The following PAICS variants were observed in gnomAD, a reference collection of about 807,000 sequenced individuals.
The protein encoded by PAICS is phosphoribosylaminoimidazole carboxylase and phosphoribosylaminoimidazolesuccinocarboxamide synthase.
In PAICS, 33 loss-of-function variants were observed where a neutral mutation model predicts 53.7. The ratio of observed to expected loss-of-function variants is 0.61; its 90% CI spans 0.47 to 0.82. The LOEUF (loss-of-function observed/expected upper bound fraction) is 0.82. Ranked by LOEUF, PAICS falls within the 40% of genes least tolerant of loss-of-function variation. The probability of loss-of-function intolerance (pLI) is 0.00; values close to 1 mark genes in which losing one functional copy is unlikely to be tolerated. For missense variants in PAICS, 394 were observed against 494.1 expected (o/e 0.80, Z 1.92); for synonymous variants, 141 against 167.2 (o/e 0.84, Z 1.21).
chr4:56,451,805 CA>C, intron 6 of PAICS, 66 bp from the exon 7 acceptor site: 5 of 980,292 alleles, frequency 5.1e-6, no homozygotes, highest in Non-Finnish European at 7.2e-6. Flanking sequence ...AATTTTACTA[CA>C]AACTCTAGCT....
chr4:56,444,975 A>C (rs564139141), intron 2 of PAICS, among the ~76,000 whole-genome samples: 5 of 152,336 alleles, frequency 3.3e-5, no homozygotes, highest in African/African-American at 1.2e-4. Flanking sequence ...AATTGATTGA[A>C]GTCACCTGTC....
chr4:56,417,393 T>G, the PAICS span, among the ~76,000 whole-genome samples: 1 of 152,138 alleles, frequency 6.6e-6, no homozygotes, highest in Non-Finnish European at 1.5e-5. Context: ...TTAAAACTCA[T>G]GAACCTGACA....
chr4:56,410,561 G>A, the PAICS span: 1 of 986,710 alleles, frequency 1.0e-6, no homozygotes, highest in Non-Finnish European at 1.2e-6. Context: ...GGAGGTTAAA[G>A]CTTTGCTAAG....
chr4:56,452,240 G>A (rs1053384264), intron 7 of PAICS, among the ~76,000 whole-genome samples, 188 bp downstream of exon 7: 4 of 151,966 alleles, frequency 2.6e-5, no homozygotes, highest in East Asian at 1.9e-4. Context: ...GTACAGTGGC[G>A]CCATCTCAGC....
At chr4:56,435,320 C>G, upstream of PAICS, 1 of 1,611,482 alleles carries the variant, frequency 6.2e-7, no homozygotes, top group Non-Finnish European at 8.5e-7. Flanking sequence ...TGGAGACGCA[C>G]GCCCCCGCCA....
Position 56,463,491 on chromosome 4 carries a change from C to G in PAICS, c.*3953C>G, listed in dbSNP as rs1719583540. The G allele has an allele frequency of 1.3e-5, 2 of 151,756 alleles. No individual in the cohort carries two copies. The highest frequency in any genetic ancestry group is 2.9e-5 in the Non-Finnish European group (2 of 68,068). The allele number at this position is 151,756 out of a possible 1,614,324, so 9.4% of individuals were successfully genotyped here. ...GGCAGATCACCTGAGGTCGGGAGTT[C>G]AAGACCAGCCTGACTGACATGGAGA... On this transcript the variant is annotated 3_prime_UTR_variant, in exon 9 of 9. Transcript: ENST00000512576.
Position 56,459,752 on chromosome 4 carries a change from C to T in PAICS, c.*214C>T. 2.2e-6 allele frequency: 1 copy of T among 456,516 alleles called. No homozygotes were observed. The highest frequency in any genetic ancestry group is 3.9e-6 in the Non-Finnish European group (1 of 254,400). 28.3% of individuals were successfully genotyped at this position (456,516 alleles called of 1,614,324 possible). A position where few individuals can be genotyped will look rare whatever the true frequency, so the allele number is the denominator to read the frequency against. ...CCAAGATATTTCAGCCAGCCTTTAT[C>T]ATTCCTCTTACTTTATCCTTTTTCC... is the stretch of plus-strand genomic sequence containing the variant. On this transcript the variant is annotated 3_prime_UTR_variant, in exon 9 of 9. Coordinates refer to ENST00000512576, the MANE Select transcript of PAICS (RefSeq NM_001079524.2).
intron 8 of PAICS, among the ~76,000 whole-genome samples, chr4:56,457,662 G>GTT (rs756911104): frequency 0.014 from 1,739 of 127,820 alleles, 49 homozygotes; most frequent in East Asian, 0.11. Context: ...TTAGAATTAA[G>GTT]TTTTTTTTTT....
intron 8 of PAICS, 31 bp downstream of exon 8, chr4:56,453,792 C>T: frequency 6.8e-7 from 1 of 1,463,724 alleles, no homozygotes; most frequent in Non-Finnish European, 9.3e-7. Context: ...AAAAACTGTT[C>T]ATTACAAGCA....
chr4:56,451,456 T>C (rs566023689), intron 6 of PAICS, among the ~76,000 whole-genome samples: 15 of 152,332 alleles, frequency 9.8e-5, no homozygotes, highest in African/African-American at 1.9e-4. Flanking sequence ...ATTATTCTTA[T>C]AGGAATATAT....
chr4:56,460,255 T>C lies in PAICS; in HGVS notation c.*717T>C, dbSNP rs1238299883. ...GGGCACTCATGAAAAAACAGAATGCTCCCAACTTTATTCATCTTCCAAGCC... is the reference window on the plus strand; with the variant it reads ...GGGCACTCATGAAAAAACAGAATGCCCCCAACTTTATTCATCTTCCAAGCC... On this transcript the variant is annotated 3_prime_UTR_variant, in exon 9 of 9. Coordinates refer to ENST00000512576, the MANE Select transcript of PAICS (RefSeq NM_001079524.2). 1.3e-5 allele frequency: 2 copies of C among 152,176 alleles called. No individual in the cohort carries two copies. Among genetic ancestry groups the C allele is most frequent in the African/African-American group, 4.8e-5 (2 of 41,438 alleles). 9.4% of individuals were successfully genotyped at this position (152,176 alleles called of 1,614,324 possible). A position where few individuals can be genotyped will look rare whatever the true frequency, so the allele number is the denominator to read the frequency against.
At chr4:56,428,999 G>A in the PAICS span, 1 of 971,132 alleles carries the variant, frequency 1.0e-6, no homozygotes, top group Non-Finnish European at 1.2e-6. Flanking sequence ...AAAAGCACAT[G>A]AAGATGGTAA....
Position 56,446,747 on chromosome 4 carries a change from G to C in PAICS, c.267G>C (p.Pro89=), listed in dbSNP as rs773688517. ...RKCGETAFIA[P]QCEMIPIEWV... is the part of the protein sequence containing the mutation. ...GTGGGGAGACAGCTTTCATTGCACCGCAGTGTGAAATGATTCCAATTGAAT... is the reference window on the plus strand; with the variant it reads ...GTGGGGAGACAGCTTTCATTGCACCCCAGTGTGAAATGATTCCAATTGAAT... Residue 89 remains proline, a synonymous_variant, in exon 3 of 9, where the codon CCG becomes CCC. Transcript: ENST00000512576. 1 of 1,604,414 alleles carries C rather than the reference G, an allele frequency of 6.2e-7. No homozygotes were observed. The highest frequency in any genetic ancestry group is 8.5e-7 in the Non-Finnish European group (1 of 1,174,074).
At chr4:56,446,923 A>C (rs964161112) in intron 3 of PAICS, 50 bp downstream of exon 3, 27 of 1,113,988 alleles carry the variant, frequency 2.4e-5, no homozygotes, top group Middle Eastern at 2.1e-4. Flanking sequence ...ACGGCAATAA[A>C]TTTATAATTA....
At chr4:56,435,969 G>C (rs756127275), upstream of PAICS, 2 of 1,520,446 alleles carry the variant, frequency 1.3e-6, no homozygotes, top group Non-Finnish European at 1.8e-6. Flanking sequence ...GCCGAGAAGG[G>C]GCCGGGGTAT....
intron 8 of PAICS, among the ~76,000 whole-genome samples, chr4:56,457,662 GTTT>G (rs756911104): frequency 5.5e-5 from 7 of 127,926 alleles, no homozygotes; most frequent in East Asian, 2.3e-4. Flanking sequence ...TTAGAATTAA[GTTT>G]TTTTTTTTTT....
chr4:56,453,520 C>T (rs1719025574), intron 7 of PAICS, 83 bp from the exon 8 acceptor site: 4 of 888,676 alleles, frequency 4.5e-6, no homozygotes, highest in Admixed American at 5.6e-5. Flanking sequence ...AACATATAGG[C>T]CTTAAACCAA....
chr4:56,436,208 G>T, upstream of PAICS: 5 of 1,530,258 alleles, frequency 3.3e-6, no homozygotes, highest in Non-Finnish European at 4.4e-6. Flanking sequence ...AGGGTCGCGC[G>T]GCCCCGCCTC....
At chr4:56,451,802 C>G in intron 6 of PAICS, 70 bp from the exon 7 acceptor site, 1 of 943,658 alleles carries the variant, frequency 1.1e-6, no homozygotes, top group Non-Finnish European at 1.5e-6. Flanking sequence ...TATAATTTTA[C>G]TACAAACTCT....
Sources: allele counts gnomAD v4.1 joint callset (sites outside exome capture counted in the v4.1 genomes callset), GRCh38; gene constraint gnomAD v4.1.1; transcripts MANE v1.5; gene names NCBI Gene and HGNC (gene_info 2026-07-23, HGNC 2026-07-21).